Variants in PCDH11X observed in about 807,000 individuals in gnomAD.
The protein encoded by PCDH11X is protocadherin-11 X-linked.
PCDH11X carries 18 observed loss-of-function variants against 53.3 expected under a neutral mutation model. That is an observed-to-expected ratio of 0.34 (90% CI 0.23 to 0.50). The LOEUF is 0.50. PCDH11X is among the 20% of genes least tolerant of loss of function. The probability of loss-of-function intolerance (pLI) is 0.98; values close to 1 mark genes in which losing one functional copy is unlikely to be tolerated. For missense variants in PCDH11X, 570 were observed against 1,032.4 expected (o/e 0.55, Z 6.14); for synonymous variants, 279 against 393.3 (o/e 0.71, Z 3.44).
chrX:91,780,892 C>T (rs973130438), intron 1 of PCDH11X, among the ~76,000 whole-genome samples: 1 of 112,499 alleles, frequency 8.9e-6, no homozygotes, highest in Non-Finnish European at 1.9e-5. Context: ...GAGCCGCTTC[C>T]TTGCCTCTCC....
intron 4 of PCDH11X, among the ~76,000 whole-genome samples, chrX:91,813,301 T>C (rs1340227776): frequency 9.1e-6 from 1 of 109,504 alleles, no homozygotes; most frequent in Non-Finnish European, 1.9e-5. Context: ...TCACCTCAGT[T>C]GTCATATTTT....
At chrX:91,954,746 C>T (rs955755951) in intron 6 of PCDH11X, among the ~76,000 whole-genome samples, 2 of 111,251 alleles carry the variant, frequency 1.8e-5, no homozygotes, top group Non-Finnish European at 1.9e-5. Context: ...TTTTTGCCTA[C>T]ATGTATGTCT....
intron 6 of PCDH11X, among the ~76,000 whole-genome samples, chrX:92,063,120 C>T (rs1361324023): frequency 9.4e-6 from 1 of 106,395 alleles, no homozygotes; most frequent in African/African-American, 3.5e-5. Flanking sequence ...CATGTTCTCA[C>T]TCATAAGTGG....
intron 6 of PCDH11X, among the ~76,000 whole-genome samples, chrX:92,197,872 A>G (rs2066317445): frequency 8.9e-6 from 1 of 111,912 alleles, no homozygotes; most frequent in African/African-American, 3.2e-5. Context: ...GCATACTTAC[A>G]TTTCTAGTGG....
At chrX:92,613,756 A>T (rs1234323993) in intron 10 of PCDH11X, among the ~76,000 whole-genome samples, 1 of 110,361 alleles carries the variant, frequency 9.1e-6, no homozygotes, top group Non-Finnish European at 1.9e-5. Context: ...TACATTGTCC[A>T]CTTCTTCCTC....
chrX:92,418,649 TGGTAC>T (rs2071875506), intron 9 of PCDH11X, among the ~76,000 whole-genome samples: 1 of 108,898 alleles, frequency 9.2e-6, no homozygotes, highest in Non-Finnish European at 1.9e-5. Flanking sequence ...TGGAGTGTAG[TGGTAC>T]GATCATAGTT....
rs1556066190 is a variant in PCDH11X at position 92,147,835 on chromosome X, C to CTTTCTTTCTTTCT, written c.3034-53537_3034-53525dup. Among the ~76,000 whole-genome samples the CTTTCTTTCTTTCT allele has an allele frequency of 1.2e-4, 11 of 89,283 alleles. No individual in the cohort carries two copies. The East Asian group carries it at 3.7e-3, about 30-fold the overall frequency. 77.5% of individuals were successfully genotyped at this position (89,283 alleles called of 115,157 possible). A position where few individuals can be genotyped will look rare whatever the true frequency, so the allele number is the denominator to read the frequency against. On this transcript the variant is annotated intron_variant, in intron 6 of 10. Transcript: ENST00000682573. ...CCTTTCTTTCTTTCTTTCTTTCTTT[C>CTTTCTTTCTTTCT]TTTCTTTCTTTCTTTCTTTTTTCTT...
intron 10 of PCDH11X, among the ~76,000 whole-genome samples, chrX:92,569,518 A>G (rs975410633): frequency 6.3e-5 from 7 of 110,662 alleles, no homozygotes; most frequent in Non-Finnish European, 1.1e-4. Flanking sequence ...TCACGCAGGT[A>G]TAATCATTGC....
intron 6 of PCDH11X, among the ~76,000 whole-genome samples, chrX:91,914,207 G>A (rs2147807757): frequency 9.0e-6 from 1 of 110,656 alleles, no homozygotes; most frequent in South Asian, 3.9e-4. Flanking sequence ...AAGGGGGAGA[G>A]CACGACATCA....
At chrX:92,170,769 C>T (rs1448955012) in intron 6 of PCDH11X, among the ~76,000 whole-genome samples, 1 of 103,787 alleles carries the variant, frequency 9.6e-6, no homozygotes, top group East Asian at 3.1e-4. Flanking sequence ...AGCTAATTTG[C>T]TTTTCTTGTT....
In PCDH11X at chrX:92,318,477, T is replaced by G. The variant is rs1603269454; in HGVS notation, c.3144+55334T>G. ...TGATTGCACAGCAAAGCTCAGACTT[T>G]TTTTTTGAAATACAGATACTGGGTA... On this transcript the variant is annotated intron_variant, in intron 8 of 10. Transcript: ENST00000682573. Among the ~76,000 whole-genome samples, 3 of 111,511 alleles carry G rather than the reference T, an allele frequency of 2.7e-5. No individual in the cohort carries two copies. In the Admixed American group the frequency reaches 2.9e-4, roughly 11 times the overall value.
chrX:92,538,463 C>T (rs1314480034), intron 10 of PCDH11X, among the ~76,000 whole-genome samples: 2 of 110,501 alleles, frequency 1.8e-5, no homozygotes, highest in Non-Finnish European at 1.9e-5. Context: ...CTTTCTTTTA[C>T]CCTTTTAGTG....
intron 7 of PCDH11X, among the ~76,000 whole-genome samples, chrX:92,206,021 G>C (rs1030992307): frequency 8.9e-6 from 1 of 112,024 alleles, no homozygotes; most frequent in Non-Finnish European, 1.9e-5. Flanking sequence ...TGTTAACAAA[G>C]ATAAAATCTT....
intron 6 of PCDH11X, among the ~76,000 whole-genome samples, chrX:91,980,955 G>GTATATATA (rs766457156): frequency 8.0e-4 from 67 of 83,605 alleles, no homozygotes; most frequent in African/African-American, 2.8e-3. Flanking sequence ...TTTTATATAT[G>GTATATATA]TATATATATA....
At chrX:91,934,755 A>G (rs1374602809) in intron 6 of PCDH11X, among the ~76,000 whole-genome samples, 1 of 107,554 alleles carries the variant, frequency 9.3e-6, no homozygotes, top group African/African-American at 3.4e-5. Context: ...TGTTGTTCAT[A>G]TACATTATAT....
At chrX:92,154,338 A>G (rs2065490140) in intron 6 of PCDH11X, among the ~76,000 whole-genome samples, 1 of 110,709 alleles carries the variant, frequency 9.0e-6, no homozygotes, top group African/African-American at 3.4e-5. Context: ...ACTTTGGTAC[A>G]TGACACATGA....
At chrX:92,474,602 TGTCA>T (rs1238926404) in intron 10 of PCDH11X, among the ~76,000 whole-genome samples, 3 of 91,679 alleles carry the variant, frequency 3.3e-5, no homozygotes, top group Admixed American at 1.3e-4. Flanking sequence ...TTAAATTTTT[TGTCA>T]GTCAGTTATC....
chrX:91,858,579 C>G (rs895126221), intron 5 of PCDH11X, among the ~76,000 whole-genome samples: 4 of 110,668 alleles, frequency 3.6e-5, no homozygotes, highest in African/African-American at 1.3e-4. Flanking sequence ...ATGCTTTTGA[C>G]AATACCGAAG....
chrX:92,203,903 C>G (rs2066433222), intron 7 of PCDH11X, among the ~76,000 whole-genome samples: 1 of 112,300 alleles, frequency 8.9e-6, no homozygotes, highest in Non-Finnish European at 1.9e-5. Flanking sequence ...AAGCACTGAT[C>G]TTAGGTTTTA....
Sources: allele counts gnomAD v4.1 joint callset (sites outside exome capture counted in the v4.1 genomes callset), GRCh38; gene constraint gnomAD v4.1.1; transcripts MANE v1.5; gene names NCBI Gene and HGNC (gene_info 2026-07-23, HGNC 2026-07-21).